Variants in HMGXB3 observed in about 807,000 individuals in gnomAD.
HMGXB3 encodes the protein HMG domain-containing protein 3.
A neutral mutation model predicts 121.5 loss-of-function variants in HMGXB3; 45 were observed. That is an observed-to-expected ratio of 0.37 (90% CI 0.29 to 0.47). HMGXB3 has a LOEUF of 0.47. Among genes scored for constraint, HMGXB3 ranks in the 20% least tolerant of loss-of-function variants. HMGXB3 has a pLI of 0.99. For synonymous variants in HMGXB3, 590 were observed against 624.1 expected (o/e 0.95, Z 0.81); for missense variants, 1,376 against 1,602.2 (o/e 0.86, Z 2.41).
At chr5:150,042,275 C>T (rs1281076122) in intron 15 of HMGXB3, among the ~76,000 whole-genome samples, 1 of 152,154 alleles carries the variant, frequency 6.6e-6, no homozygotes, top group Non-Finnish European at 1.5e-5. Flanking sequence ...AGTAGTTAAA[C>T]AAAGTTTCTG....
chr5:150,039,322 C>G (rs893962770), intron 13 of HMGXB3, among the ~76,000 whole-genome samples: 1 of 152,054 alleles, frequency 6.6e-6, no homozygotes, highest in Non-Finnish European at 1.5e-5. Context: ...CTAGTTTCAG[C>G]ATATAGGTCC....
intron 13 of HMGXB3, among the ~76,000 whole-genome samples, chr5:150,039,683 T>C (rs886094118): frequency 1.3e-5 from 2 of 152,216 alleles, no homozygotes; most frequent in African/African-American, 4.8e-5. Context: ...TTTATTCAGT[T>C]TTACCTCTAG....
chr5:150,016,897 T>C (rs878953768), intron 5 of HMGXB3, among the ~76,000 whole-genome samples: 1 of 152,236 alleles, frequency 6.6e-6, no homozygotes, highest in Admixed American at 6.5e-5. Flanking sequence ...TTTAGTAGTT[T>C]CTTTAGGGCT....
At chr5:150,022,549 T>C (rs1435818260) in intron 6 of HMGXB3, among the ~76,000 whole-genome samples, 1 of 152,186 alleles carries the variant, frequency 6.6e-6, no homozygotes, top group Non-Finnish European at 1.5e-5. Flanking sequence ...GTTGTTTTGC[T>C]CAGATTGCTT....
At position 150,012,313 on chromosome 5, in the gene HMGXB3, C is replaced by G. The variant is rs1457377555; in HGVS notation, c.869C>G (p.Pro290Arg). The G allele has an allele frequency of 1.3e-6, 2 of 1,552,342 alleles. No homozygotes were observed. The highest frequency in any genetic ancestry group is 2.4e-5 in the East Asian group (1 of 40,912). Reference sequence around the variant, plus strand: ...ACACAGTTCATCATGTTGCCTCTGCCTGCCTACTCGGTTGTGGAGAACCCC... The same window carrying G: ...ACACAGTTCATCATGTTGCCTCTGCGTGCCTACTCGGTTGTGGAGAACCCC... ...PATQFIMLPL[P>R]AYSVVENPTS... is the part of the protein sequence containing the mutation. Residue 290 changes from proline to arginine, a missense_variant, in exon 5 of 20, where the codon CCT (proline) becomes CGT (arginine). Transcript: ENST00000502717.
rs574808238 is a variant in HMGXB3, at chr5:150,008,290, A to AGTTCTT, written c.312+1644_312+1645insTTCTTG. 6.5e-3 allele frequency among the ~76,000 whole-genome samples: 996 copies of AGTTCTT among 152,188 alleles called. 14 individuals are homozygous for AGTTCTT. Among genetic ancestry groups the AGTTCTT allele is most frequent in the African/African-American group, 0.023 (945 of 41,516 alleles). On this transcript the variant is annotated intron_variant, in intron 3 of 19. Coordinates refer to ENST00000502717, the MANE Select transcript of HMGXB3 (RefSeq NM_014983.3). ...TACCACTGCCACCAAGAACATGAGT[A>AGTTCTT]GGTTAGTTCTGATAATAGCTGAGTG... is the stretch of plus-strand genomic sequence containing the variant.
At position 150,049,976 on chromosome 5, in the gene HMGXB3, G is replaced by C. The variant is rs75298170; in HGVS notation, c.3202-276G>C. Among the ~76,000 whole-genome samples the C allele has an allele frequency of 1.4e-3, 209 of 152,356 alleles. 2 individuals are homozygous for C. In the South Asian group the frequency reaches 0.035, roughly 25 times the overall value. ...AGTGAACTGGTAGGTGATGTGGAGAGAGTGGGGTTTTGAAAGATGTTCTGA... is the reference window on the plus strand; with the variant it reads ...AGTGAACTGGTAGGTGATGTGGAGACAGTGGGGTTTTGAAAGATGTTCTGA... On this transcript the variant is annotated intron_variant, in intron 18 of 19. Transcript: ENST00000502717.
Position 150,013,657 on chromosome 5 carries a change from A to G in HMGXB3, c.909+1304A>G, listed in dbSNP as rs377384233. On this transcript the variant is annotated intron_variant, in intron 5 of 19. Transcript: ENST00000502717. ...TGGGCCTGGAGTTTTCTTTGTGAGA[A>G]GGTTTTTAACTGCAAGCCCAATTTT... Among the ~76,000 whole-genome samples, 70 of 152,330 alleles carry G rather than the reference A, an allele frequency of 4.6e-4. No homozygotes were observed. In the East Asian group the frequency reaches 0.013, roughly 29 times the overall value.
chr5:150,047,333 C>A (rs1388573997), intron 16 of HMGXB3, among the ~76,000 whole-genome samples: 1 of 152,132 alleles, frequency 6.6e-6, no homozygotes, highest in Non-Finnish European at 1.5e-5. Flanking sequence ...CATCTGAGGT[C>A]TTGGTTCTGA....
intron 17 of HMGXB3, 32 bp downstream of exon 17, chr5:150,047,789 G>A: frequency 1.3e-6 from 2 of 1,551,100 alleles, no homozygotes; most frequent in African/African-American, 1.4e-5. Context: ...GGATATCGGG[G>A]CTTCTGGAGT....
chr5:150,041,373 C>G (rs1411409905), intron 14 of HMGXB3, among the ~76,000 whole-genome samples: 1 of 152,244 alleles, frequency 6.6e-6, no homozygotes, highest in Non-Finnish European at 1.5e-5. Flanking sequence ...GTAGAGCCTA[C>G]TAGAGTTACA....
At chr5:150,018,803 C>T in intron 6 of HMGXB3, 106 bp downstream of exon 6, 1 of 1,036,186 alleles carries the variant, frequency 9.7e-7, no homozygotes, top group Non-Finnish European at 1.4e-6. Context: ...TTTTTACTGT[C>T]TGACTATACA....
At chr5:150,047,252 G>A (rs1299203362) in intron 16 of HMGXB3, among the ~76,000 whole-genome samples, 12 of 152,112 alleles carry the variant, frequency 7.9e-5, no homozygotes. Flanking sequence ...GCCAGGTTCA[G>A]GAACGTTGTG....
At chr5:150,025,523 T>A (rs1012248549) in intron 7 of HMGXB3, among the ~76,000 whole-genome samples, 3 of 152,080 alleles carry the variant, frequency 2.0e-5, no homozygotes, top group Non-Finnish European at 4.4e-5. Flanking sequence ...TTAACACAAA[T>A]CATAGCACAA....
chr5:150,010,025 A>G (rs975269249), intron 3 of HMGXB3, 86 bp from the exon 4 acceptor site: 1 of 1,367,696 alleles, frequency 7.3e-7, no homozygotes, highest in Admixed American at 2.8e-5. Flanking sequence ...AAGAACTTAC[A>G]CATATATATA....
chr5:150,012,438 G>C, intron 5 of HMGXB3, 85 bp downstream of exon 5: 1 of 919,792 alleles, frequency 1.1e-6, no homozygotes, highest in East Asian at 2.7e-5. Flanking sequence ...TTTTCTTTCT[G>C]AGCTACCAGT....
In HMGXB3 at chr5:150,024,670, A is replaced by G; in HGVS notation, c.1450A>G (p.Lys484Glu). Residue 484 changes from lysine (K) to glutamate (E), a missense_variant, in exon 7 of 20, where the codon AAA becomes GAA. Coordinates refer to ENST00000502717, the MANE Select transcript of HMGXB3 (RefSeq NM_014983.3). ...STSSPLPAPKKPTGADLLTPG... is the reference protein window; with the variant it reads ...STSSPLPAPKEPTGADLLTPG... ...CTCCAGTCCACTCCCTGCTCCTAAA[A>G]AACCTACAGGGTAAGTCAGTGTGTT... 6.5e-7 allele frequency: 1 copy of G among 1,545,422 alleles called. No homozygotes were observed. The highest frequency in any genetic ancestry group is 8.7e-7 in the Non-Finnish European group (1 of 1,143,858).
At chr5:150,036,968 C>T (rs1192441917) in intron 12 of HMGXB3, 31 bp downstream of exon 12, 2 of 1,519,964 alleles carry the variant, frequency 1.3e-6, no homozygotes, top group Admixed American at 2.0e-5. Flanking sequence ...CCCCTAGCTA[C>T]CCCATCCCAT....
chr5:150,022,003 G>A, intron 6 of HMGXB3: 2 of 377,442 alleles, frequency 5.3e-6, no homozygotes, highest in African/African-American at 2.1e-5. Context: ...GGCAGGAGCG[G>A]GCGGACCGCA....
Sources: gnomAD v4.1 joint callset for allele counts (sites outside exome capture counted in the v4.1 genomes callset) on GRCh38, gnomAD v4.1.1 for gene constraint, MANE v1.5 for transcripts, NCBI Gene and HGNC (gene_info 2026-07-23, HGNC 2026-07-21) for gene names.